The following BMAL2 variants were observed in gnomAD, a reference collection of about 807,000 sequenced individuals.
BMAL2 encodes basic helix-loop-helix ARNT like 2, also known as basic helix-loop-helix ARNT-like protein 2.
chr12:27,405,052 G>A, the BMAL2 span, among the ~76,000 whole-genome samples: 1 of 152,200 alleles, frequency 6.6e-6, no homozygotes, highest in Non-Finnish European at 1.5e-5. Flanking sequence ...GGCTGGGGGA[G>A]GGGTGCCCAC....
At chr12:27,424,672 C>T in the BMAL2 span, 1 of 152,198 alleles carries the variant, frequency 6.6e-6, no homozygotes, top group Non-Finnish European at 1.5e-5. Context: ...CAAGAGGTAT[C>T]TCCCCCTCAG....
chr12:27,401,383 A>C, the BMAL2 span: 1 of 1,589,594 alleles, frequency 6.3e-7, no homozygotes, highest in East Asian at 2.2e-5. Context: ...CATTGAGCAG[A>C]ATACATTTTG....
At chr12:27,413,153 G>C in the BMAL2 span, among the ~76,000 whole-genome samples, 1 of 152,080 alleles carries the variant, frequency 6.6e-6, no homozygotes, top group East Asian at 1.9e-4. Context: ...AATTCTTCAC[G>C]TTAAACTGAA....
chr12:27,389,268 A>G, the BMAL2 span: 2 of 1,609,180 alleles, frequency 1.2e-6, no homozygotes, highest in East Asian at 2.2e-5. Context: ...TTGATATTTC[A>G]CCAAGAGAAA....
At chr12:27,374,151 G>T in the BMAL2 span, among the ~76,000 whole-genome samples, 1 of 151,976 alleles carries the variant, frequency 6.6e-6, no homozygotes, top group African/African-American at 2.4e-5. Flanking sequence ...TCAAAGCAAA[G>T]ACATGATTTT....
the BMAL2 span, among the ~76,000 whole-genome samples, chr12:27,417,279 G>C: frequency 6.6e-6 from 1 of 152,132 alleles, no homozygotes; most frequent in Non-Finnish European, 1.5e-5. Context: ...AACAGCATTT[G>C]GTTTAATGTT....
the BMAL2 span, among the ~76,000 whole-genome samples, chr12:27,364,250 G>A: frequency 6.6e-6 from 1 of 152,146 alleles, no homozygotes; most frequent in African/African-American, 2.4e-5. Context: ...GTTTCCACAT[G>A]AATTTCGGAG....
the BMAL2 span, among the ~76,000 whole-genome samples, chr12:27,406,537 C>G: frequency 6.6e-6 from 1 of 152,124 alleles, no homozygotes; most frequent in African/African-American, 2.4e-5. Context: ...TACAGACAAG[C>G]AAATGCTGAG....
At chr12:27,400,402 TC>T in the BMAL2 span, 1 of 706,442 alleles carries the variant, frequency 1.4e-6, no homozygotes, top group Non-Finnish European at 2.1e-6. Context: ...GGAATACCAT[TC>T]CCCTTTCATA....
chr12:27,401,367 G>A, the BMAL2 span: 2 of 1,606,268 alleles, frequency 1.2e-6, no homozygotes, highest in East Asian at 4.5e-5. Flanking sequence ...AAAGCAGGTA[G>A]GTATGCATTG....
the BMAL2 span, among the ~76,000 whole-genome samples, chr12:27,345,518 GT>G: frequency 5.7e-4 from 86 of 152,048 alleles, 4 homozygotes; most frequent in Non-Finnish European, 5.9e-5. Flanking sequence ...TTGAGACAGG[GT>G]TCACTCTTGC....
chr12:27,403,777 A>G, the BMAL2 span, among the ~76,000 whole-genome samples: 1 of 152,164 alleles, frequency 6.6e-6, no homozygotes, highest in African/African-American at 2.4e-5. Flanking sequence ...ATATAACTTC[A>G]GATATAAGCT....
the BMAL2 span, among the ~76,000 whole-genome samples, chr12:27,407,180 TC>T: frequency 6.6e-6 from 1 of 152,110 alleles, no homozygotes; most frequent in Non-Finnish European, 1.5e-5. Flanking sequence ...ATTAGACAGA[TC>T]AACGAGACAG....
the BMAL2 span, among the ~76,000 whole-genome samples, chr12:27,420,154 T>C: frequency 6.6e-6 from 1 of 152,204 alleles, no homozygotes; most frequent in Non-Finnish European, 1.5e-5. Context: ...TACTTCTCTG[T>C]AGCAGATGAA....
chr12:27,389,399 AAG>A, the BMAL2 span: 1 of 709,694 alleles, frequency 1.4e-6, no homozygotes, highest in Non-Finnish European at 2.4e-6. Context: ...AGCTTTTATC[AAG>A]AGAGAATTGT....
At chr12:27,383,332 T>C in the BMAL2 span, among the ~76,000 whole-genome samples, 2 of 150,216 alleles carry the variant, frequency 1.3e-5, no homozygotes, top group Non-Finnish European at 2.9e-5. Flanking sequence ...GGAAGAGGAA[T>C]TGTTACTGTC....
chr12:27,395,658 AC>A, the BMAL2 span, among the ~76,000 whole-genome samples: 1 of 152,176 alleles, frequency 6.6e-6, no homozygotes, highest in Non-Finnish European at 1.5e-5. Flanking sequence ...CAAGTTTTAC[AC>A]ATTTATAGAA....
the BMAL2 span, among the ~76,000 whole-genome samples, chr12:27,409,282 G>T: frequency 3.9e-5 from 6 of 152,166 alleles, no homozygotes; most frequent in Admixed American, 1.3e-4. Flanking sequence ...AGCCCACATT[G>T]CCAAGTCAAT....
the BMAL2 span, among the ~76,000 whole-genome samples, chr12:27,379,024 C>G: frequency 6.6e-6 from 1 of 151,274 alleles, no homozygotes; most frequent in South Asian, 2.1e-4. Context: ...CTAATGATAG[C>G]TAGTGAGCTA....
Sources: allele counts gnomAD v4.1 joint callset (sites outside exome capture counted in the v4.1 genomes callset), GRCh38; gene constraint gnomAD v4.1.1; transcripts MANE v1.5; gene names NCBI Gene and HGNC (gene_info 2026-07-23, HGNC 2026-07-21).